The following CSMD3 variants were observed in gnomAD, a reference collection of about 807,000 sequenced individuals.
CSMD3 encodes CUB and Sushi multiple domains 3, also known as CUB and sushi domain-containing protein 3.
CSMD3 carries 177 observed loss-of-function variants against 435.2 expected under a neutral mutation model. That is an observed-to-expected ratio of 0.41 (90% CI 0.36 to 0.46). The LOEUF (loss-of-function observed/expected upper bound fraction) is 0.46. Among genes scored for constraint, CSMD3 ranks in the 20% least tolerant of loss-of-function variants. CSMD3 has a pLI of 0.34. For synonymous variants in CSMD3, 1,656 were observed against 1,520.5 expected, an observed-to-expected ratio of 1.09 and a Z score of -2.07; for missense variants, 4,265 against 4,504.6, an observed-to-expected ratio of 0.95 and a Z score of 1.52.
At chr8:113,386,162 A>G (rs1235221435) in intron 1 of CSMD3, among the ~76,000 whole-genome samples, 1 of 152,030 alleles carries the variant, frequency 6.6e-6, no homozygotes, top group African/African-American at 2.4e-5. Context: ...ATGCAGGAGA[A>G]GATGTGCCAG....
chr8:113,236,066 A>G (rs1588335883), intron 3 of CSMD3, among the ~76,000 whole-genome samples: 1 of 152,184 alleles, frequency 6.6e-6, no homozygotes, highest in East Asian at 1.9e-4. Context: ...ATGCACAGCT[A>G]GGCTCAAGGT....
intron 38 of CSMD3, among the ~76,000 whole-genome samples, chr8:112,370,023 GGAAGAA>G (rs71309767): frequency 0.099 from 6,592 of 66,488 alleles, 363 homozygotes; most frequent in Non-Finnish European, 0.12. Context: ...AAGAAGAAGA[GGAAGAA>G]GAAGAAGAAG....
chr8:112,776,998 A>G lies in CSMD3; in HGVS notation c.1972+23164T>C, dbSNP rs149497557. On this transcript the variant is annotated intron_variant, in intron 13 of 70. Coordinates refer to ENST00000297405, the MANE Select transcript of CSMD3 (RefSeq NM_198123.2). Reference sequence around the variant, plus strand: ...GGATAGAATGATTAAGCATGGGAAAAGCTTTTGTACATTTTTTAGTATGTT... The same window carrying G: ...GGATAGAATGATTAAGCATGGGAAAGGCTTTTGTACATTTTTTAGTATGTT... Among the ~76,000 whole-genome samples the G allele has an allele frequency of 1.6e-4, 25 of 151,888 alleles. No individual in the cohort carries two copies. In the East Asian group the frequency reaches 4.5e-3, roughly 27 times the overall value.
chr8:112,814,549 G>A (rs1270784511), intron 12 of CSMD3, among the ~76,000 whole-genome samples: 4 of 152,062 alleles, frequency 2.6e-5, no homozygotes, highest in Non-Finnish European at 4.4e-5. Flanking sequence ...TTGGGAGACC[G>A]AGGTGAGTGG....
At chr8:112,446,996 T>C (rs866362564) in intron 32 of CSMD3, among the ~76,000 whole-genome samples, 8 of 152,182 alleles carry the variant, frequency 5.3e-5, no homozygotes, top group South Asian at 4.1e-4. Context: ...ATAGTTATTG[T>C]AATTAGATAA....
rs2130931318 is a variant in CSMD3 at position 112,975,836 on chromosome 8, C to T, written c.1342+1G>A. On this transcript the variant is annotated splice_donor_variant, in intron 7 of 70. Coordinates refer to ENST00000297405, the MANE Select transcript of CSMD3 (RefSeq NM_198123.2). LOFTEE classifies it high-confidence loss of function. Reference sequence around the variant, plus strand: ...GGCACAAGTAAAATAACATCCAATACCTCTATGAGTAACAACTGCAAGCTC... The same window carrying T: ...GGCACAAGTAAAATAACATCCAATATCTCTATGAGTAACAACTGCAAGCTC... 4.3e-6 allele frequency: 7 copies of T among 1,612,808 alleles called. No homozygotes were observed. The highest frequency in any genetic ancestry group is 5.9e-6 in the Non-Finnish European group (7 of 1,179,760).
At chr8:113,135,781 G>T (rs1019384919) in intron 4 of CSMD3, among the ~76,000 whole-genome samples, 1 of 151,810 alleles carries the variant, frequency 6.6e-6, no homozygotes, top group Non-Finnish European at 1.5e-5. Flanking sequence ...CATTTGAGGA[G>T]ACTGGACCTT....
At chr8:113,097,144 G>A (rs1345007814) in intron 5 of CSMD3, among the ~76,000 whole-genome samples, 1 of 151,948 alleles carries the variant, frequency 6.6e-6, no homozygotes, top group East Asian at 1.9e-4. Flanking sequence ...CGCTATGACA[G>A]AAACAAAGAA....
At chr8:113,166,096 C>T (rs1434074006) in intron 4 of CSMD3, among the ~76,000 whole-genome samples, 2 of 152,124 alleles carry the variant, frequency 1.3e-5, no homozygotes, top group East Asian at 3.9e-4. Flanking sequence ...CTTTCAAATA[C>T]AAAACTCCCA....
chr8:112,962,740 A>G (rs1051349446), intron 7 of CSMD3, among the ~76,000 whole-genome samples: 1 of 151,896 alleles, frequency 6.6e-6, no homozygotes, highest in East Asian at 1.9e-4. Flanking sequence ...TTTCATGGCT[A>G]TTCAAAATGC....
intron 13 of CSMD3, among the ~76,000 whole-genome samples, chr8:112,779,388 G>GA (rs1364352988): frequency 6.6e-6 from 1 of 151,536 alleles, no homozygotes; most frequent in African/African-American, 2.4e-5. Context: ...TAGATTTTAG[G>GA]AAAAAAATGC....
chr8:112,909,056 A>C (rs545230576), intron 10 of CSMD3, among the ~76,000 whole-genome samples: 1 of 151,586 alleles, frequency 6.6e-6, no homozygotes, highest in African/African-American at 2.4e-5. Context: ...TTTAGTAGAA[A>C]TATCTAGGAG....
chr8:113,127,822 C>T (rs141709401), intron 4 of CSMD3, among the ~76,000 whole-genome samples: 1,581 of 152,188 alleles, frequency 0.01, 16 homozygotes, highest in Middle Eastern at 0.089. Context: ...GTACCAAGGG[C>T]CTTCATGATG....
intron 1 of CSMD3, among the ~76,000 whole-genome samples, chr8:113,323,631 C>A (rs1339832686): frequency 1.3e-5 from 2 of 152,106 alleles, no homozygotes; most frequent in East Asian, 1.9e-4. Context: ...ACCAAAAACA[C>A]TTTTCAGGGT....
At chr8:112,357,672 C>T (rs59341078) in intron 38 of CSMD3, among the ~76,000 whole-genome samples, 28,404 of 152,104 alleles carry the variant, frequency 0.19, 3,139 homozygotes, top group Middle Eastern at 0.35. Flanking sequence ...GACCTTCATC[C>T]CAGCCTCAAG....
At position 112,292,586 on chromosome 8, in the gene CSMD3, T is replaced by C. The variant is rs2130688614; in HGVS notation, c.8739A>G (p.Ala2913=). 6.2e-7 allele frequency: 1 copy of C among 1,613,874 alleles called. No homozygotes were observed. Among genetic ancestry groups the C allele is most frequent in the African/African-American group, 1.3e-5 (1 of 75,040 alleles). ...TCCACTGTCTGTTGGCCTGGCACTG[T>C]GCCTTTGTTGGCCCTTGCATAAGAT... ...IGYLMQGPTK[A]QCQANRQWSH... The change falls in exon 55 of 71, where the codon GCA becomes GCG. Residue 2913 remains alanine (A), a synonymous_variant. Coordinates refer to ENST00000297405, the MANE Select transcript of CSMD3 (RefSeq NM_198123.2).
chr8:112,768,416 T>C (rs536320235), intron 13 of CSMD3, among the ~76,000 whole-genome samples: 147 of 152,020 alleles, frequency 9.7e-4, no homozygotes, highest in Non-Finnish European at 1.7e-3. Context: ...TTCAACTTCT[T>C]TGATGAGACT....
In CSMD3 at chr8:112,587,177, T is replaced by C; in HGVS notation, c.3774A>G (p.Pro1258=). The C allele has an allele frequency of 6.2e-7, 1 of 1,610,036 alleles. No individual in the cohort carries two copies. The highest frequency in any genetic ancestry group is 8.5e-7 in the Non-Finnish European group (1 of 1,177,020). ...ATTCATGGTTGTTTTCATAGTTGAG[T>C]GGATAATTTGGAGACAGCAAAATTC... ...NEGILLSPNY[P]LNYENNHECI... The change falls in exon 23 of 71, where the codon CCA becomes CCG. Residue 1258 remains proline, a synonymous_variant. Transcript: ENST00000297405.
At chr8:113,020,686 A>C (rs531987811) in intron 5 of CSMD3, among the ~76,000 whole-genome samples, 10 of 152,278 alleles carry the variant, frequency 6.6e-5, no homozygotes, top group African/African-American at 2.2e-4. Context: ...TATTCTTCAA[A>C]GCTCACAGTT....
Sources: gnomAD v4.1 joint callset for allele counts (sites outside exome capture counted in the v4.1 genomes callset) on GRCh38, gnomAD v4.1.1 for gene constraint, MANE v1.5 for transcripts, NCBI Gene and HGNC (gene_info 2026-07-23, HGNC 2026-07-21) for gene names.